TNKS: variants seen among roughly 807,000 people sequenced by gnomAD.
The protein encoded by TNKS is poly [ADP-ribose] polymerase tankyrase-1.
In TNKS, 72 loss-of-function variants were observed where a neutral mutation model predicts 135.8. That is an observed-to-expected ratio of 0.53 (90% CI 0.44 to 0.64). The LOEUF (loss-of-function observed/expected upper bound fraction) is 0.64, where lower values mean the gene tolerates loss of function less well. Among genes scored for constraint, TNKS ranks in the 30% least tolerant of loss-of-function variants. TNKS has a pLI of 0.00. For synonymous variants in TNKS, 849 were observed against 649.3 expected, an observed-to-expected ratio of 1.31 and a Z score of -4.68; for missense variants, 1,769 against 1,674.0, an observed-to-expected ratio of 1.06 and a Z score of -0.99.
At position 9,753,183 on chromosome 8, in the gene TNKS, A is replaced by G. The variant is rs1806643921; in HGVS notation, c.3153+557A>G. On this transcript the variant is annotated intron_variant, in intron 20 of 26. Coordinates refer to ENST00000310430, the MANE Select transcript of TNKS (RefSeq NM_003747.3). ...TTTATTACATGTCAAAACTTAGACCATGCAACTACCTCAAAAGAATGTTTT... is the reference window on the plus strand; with the variant it reads ...TTTATTACATGTCAAAACTTAGACCGTGCAACTACCTCAAAAGAATGTTTT... 2.0e-5 allele frequency among the ~76,000 whole-genome samples: 3 copies of G among 152,302 alleles called. No individual in the cohort carries two copies. In the South Asian group the frequency reaches 6.2e-4, roughly 32 times the overall value.
At chr8:9,711,261 T>G (rs113210335) in intron 11 of TNKS, among the ~76,000 whole-genome samples, 1 of 152,176 alleles carries the variant, frequency 6.6e-6, no homozygotes, top group African/African-American at 2.4e-5. Context: ...ATGCCAGCAC[T>G]CTCACTAGGT....
chr8:9,761,649 G>GAA lies in TNKS; in HGVS notation c.3274+25_3274+26dup, dbSNP rs372015227. The GAA allele has an allele frequency of 2.4e-3, 3,232 of 1,319,300 alleles. No individual in the cohort carries two copies. The highest frequency in any genetic ancestry group is 9.2e-3 in the South Asian group (671 of 73,310). The allele number at this position is 1,319,300 out of a possible 1,614,324, so 81.7% of individuals were successfully genotyped here. ...GGTGGACAACAAGGTAAGCTATTCA[G>GAA]AAAAAAAAAAAAATTTCAGAAATCA... On this transcript the variant is annotated intron_variant, in intron 21 of 26. Coordinates refer to ENST00000310430, the MANE Select transcript of TNKS (RefSeq NM_003747.3).
chr8:9,715,366 G>GT, intron 11 of TNKS, among the ~76,000 whole-genome samples: 1 of 82,898 alleles, frequency 1.2e-5, no homozygotes, highest in Non-Finnish European at 2.9e-5. Context: ...CAGCAGGGGG[G>GT]GCGGGTATGA....
In TNKS at chr8:9,779,517, G is replaced by A. The variant is rs1223985270; in HGVS notation, c.*2781G>A. The stretch of plus-strand genomic sequence containing the variant: ...TGATGGTTCCAGTTTACCTGCTGTT[G>A]GCCTGCTGGATACTTGACTCAGGCA... On this transcript the variant is annotated 3_prime_UTR_variant, in exon 27 of 27. Transcript: ENST00000310430. 1 of 152,078 alleles carries A rather than the reference G, an allele frequency of 6.6e-6. No individual in the cohort carries two copies. Among genetic ancestry groups the A allele is most frequent in the African/African-American group, 2.4e-5 (1 of 41,374 alleles). 9.4% of individuals were successfully genotyped at this position (152,078 alleles called of 1,614,324 possible).
At chr8:9,713,891 T>C (rs1486794476) in intron 11 of TNKS, among the ~76,000 whole-genome samples, 2 of 152,184 alleles carry the variant, frequency 1.3e-5, no homozygotes. Flanking sequence ...GGTTTCTGTA[T>C]GATTTTCAGG....
chr8:9,572,554 C>T (rs1042499650), intron 1 of TNKS, among the ~76,000 whole-genome samples: 2 of 152,084 alleles, frequency 1.3e-5, no homozygotes, highest in Non-Finnish European at 2.9e-5. Context: ...TTCCTAGTTT[C>T]GGGACTATCA....
At chr8:9,756,971 GTTT>G (rs545554618) in intron 20 of TNKS, among the ~76,000 whole-genome samples, 2 of 150,826 alleles carry the variant, frequency 1.3e-5, no homozygotes, top group African/African-American at 4.9e-5. Flanking sequence ...GTTTTTGTTT[GTTT>G]TTTTTTGTTT....
At chr8:9,642,800 G>T (rs931551363) in intron 3 of TNKS, among the ~76,000 whole-genome samples, 1 of 145,704 alleles carries the variant, frequency 6.9e-6, no homozygotes, top group African/African-American at 2.5e-5. Flanking sequence ...TCTCATAAAA[G>T]TTCATGTAAA....
At chr8:9,728,894 C>G (rs1023997690) in intron 13 of TNKS, among the ~76,000 whole-genome samples, 1 of 152,132 alleles carries the variant, frequency 6.6e-6, no homozygotes, top group African/African-American at 2.4e-5. Context: ...TTGTTTTTAT[C>G]CTACCTGTGT....
intron 3 of TNKS, among the ~76,000 whole-genome samples, chr8:9,635,381 C>A (rs1359955408): frequency 6.6e-6 from 1 of 152,160 alleles, no homozygotes; most frequent in African/African-American, 2.4e-5. Flanking sequence ...GGGAGGGACA[C>A]TTTCTTACTG....
chr8:9,732,445 C>A (rs1181652846), intron 14 of TNKS, among the ~76,000 whole-genome samples: 1 of 152,080 alleles, frequency 6.6e-6, no homozygotes, highest in Non-Finnish European at 1.5e-5. Context: ...CCTCATCGAA[C>A]CATTATGTAT....
Position 9,778,286 on chromosome 8 carries a change from T to C in TNKS, c.*1550T>C, listed in dbSNP as rs1212737539. ...AAAGAAATATAAACACGAGGAGGAA[T>C]AGGAAAGACAGTGTGACACAAACTT... On this transcript the variant is annotated 3_prime_UTR_variant, in exon 27 of 27. Coordinates refer to ENST00000310430, the MANE Select transcript of TNKS (RefSeq NM_003747.3). 1.3e-5 allele frequency: 2 copies of C among 152,262 alleles called. No homozygotes were observed. The highest frequency in any genetic ancestry group is 4.1e-4 in the South Asian group (2 of 4,832). 9.4% of individuals were successfully genotyped at this position (152,262 alleles called of 1,614,324 possible).
intron 11 of TNKS, among the ~76,000 whole-genome samples, chr8:9,717,072 A>ATTTATATATATATATAT (rs376229840): frequency 1.3e-5 from 1 of 79,460 alleles, no homozygotes; most frequent in Non-Finnish European, 2.5e-5. Context: ...GTTGTATTAT[A>ATTTATATATATATATAT]ATATATATAT....
chr8:9,708,002 T>C (rs1487347801), intron 8 of TNKS, among the ~76,000 whole-genome samples: 1 of 152,230 alleles, frequency 6.6e-6, no homozygotes, highest in Non-Finnish European at 1.5e-5. Context: ...TTCATGTCAG[T>C]GTATGTAGAC....
chr8:9,751,918 A>G, intron 19 of TNKS, 72 bp downstream of exon 19: 4 of 1,377,194 alleles, frequency 2.9e-6, no homozygotes, highest in Non-Finnish European at 4.1e-6. Context: ...TTTTCTATTG[A>G]TAACTATTGA....
chr8:9,745,284 T>C (rs1806178202), intron 17 of TNKS, among the ~76,000 whole-genome samples: 1 of 152,222 alleles, frequency 6.6e-6, no homozygotes, highest in Non-Finnish European at 1.5e-5. Flanking sequence ...TAAAAATAAT[T>C]AAGCTATAGA....
At chr8:9,699,594 A>G (rs1295023018) in intron 5 of TNKS, among the ~76,000 whole-genome samples, 1 of 152,166 alleles carries the variant, frequency 6.6e-6, no homozygotes, top group Admixed American at 6.5e-5. Context: ...TCACATGGGA[A>G]TGATGACTTG....
chr8:9,614,392 C>T (rs1033494134), intron 2 of TNKS, among the ~76,000 whole-genome samples: 2 of 152,146 alleles, frequency 1.3e-5, no homozygotes, highest in African/African-American at 2.4e-5. Flanking sequence ...TCTGAAACTC[C>T]CCAAAATGTA....
intron 12 of TNKS, 142 bp downstream of exon 12, chr8:9,720,687 C>G (rs985685806): frequency 4.1e-6 from 4 of 965,356 alleles, no homozygotes; most frequent in Non-Finnish European, 5.9e-6. Context: ...ACTTCCCCAT[C>G]TCCCTTTTTT....
Sources: gnomAD v4.1 joint callset for allele counts (sites outside exome capture counted in the v4.1 genomes callset) on GRCh38, gnomAD v4.1.1 for gene constraint, MANE v1.5 for transcripts, NCBI Gene and HGNC (gene_info 2026-07-23, HGNC 2026-07-21) for gene names.